Variants in ADHFE1 observed in about 807,000 individuals in gnomAD.
ADHFE1 encodes the protein alcohol dehydrogenase iron containing 1.
ADHFE1 carries 37 observed loss-of-function variants against 54.8 expected under a neutral mutation model. That is an observed-to-expected ratio of 0.68 (90% confidence interval 0.52 to 0.89). The LOEUF is 0.89. ADHFE1 is among the 40% of genes least tolerant of loss of function. The pLI, the probability that ADHFE1 is intolerant of heterozygous loss-of-function variation, is 0.00. For synonymous variants in ADHFE1, 203 were observed against 229.3 expected, an observed-to-expected ratio of 0.89 and a Z score of 1.04; for missense variants, 601 against 591.2, an observed-to-expected ratio of 1.02 and a Z score of -0.17.
At chr8:66,440,275 A>G in intron 2 of ADHFE1, 76 bp downstream of exon 2, 1 of 1,430,752 alleles carries the variant, frequency 7.0e-7, no homozygotes. Context: ...TGGGTAGTGT[A>G]TGTAAAGAAA....
rs182586692 is a variant in ADHFE1, at chr8:66,454,536, A to G, written c.986+379A>G. The stretch of plus-strand genomic sequence containing the variant: ...GTATAATTCACATACTATACAATTC[A>G]CCCATTTAAAATGTACAGAACATTA... On this transcript the variant is annotated intron_variant, in intron 10 of 13. Transcript: ENST00000396623. Among the ~76,000 whole-genome samples, 260 of 152,224 alleles carry G rather than the reference A, an allele frequency of 1.7e-3. 2 individuals are homozygous for G. Among genetic ancestry groups the G allele is most frequent in the African/African-American group, 5.9e-3 (243 of 41,536 alleles).
At chr8:66,450,980 G>A (rs1806269288) in intron 8 of ADHFE1, among the ~76,000 whole-genome samples, 1 of 152,240 alleles carries the variant, frequency 6.6e-6, no homozygotes, top group Non-Finnish European at 1.5e-5. Context: ...TGTAATTCAT[G>A]CAAAACATGG....
chr8:66,462,091 G>C (rs1806930993), intron 13 of ADHFE1, among the ~76,000 whole-genome samples: 1 of 152,196 alleles, frequency 6.6e-6, no homozygotes, highest in Non-Finnish European at 1.5e-5. Flanking sequence ...GCACAGGCTA[G>C]TAAACATGTT....
rs372330227 is a variant in ADHFE1 at position 66,438,920 on chromosome 8, G to A, written c.60-1242G>A. Among the ~76,000 whole-genome samples, 10 of 152,052 alleles carry A rather than the reference G, an allele frequency of 6.6e-5. No homozygotes were observed. In the East Asian group the frequency reaches 7.8e-4, roughly 12 times the overall value. ...GGAGGAAGCAAGGGTTCCCAGGAGC[G>A]TTCACGTTGGAAAGTTTTGAGTTTG... On this transcript the variant is annotated intron_variant, in intron 1 of 13. Transcript: ENST00000396623.
chr8:66,460,473 A>G lies in ADHFE1; in HGVS notation c.1320+8A>G. On this transcript the variant is annotated splice_region_variant and intron_variant, in intron 13 of 13. Transcript: ENST00000396623. ...AAAGGAACGCTGCCCCAGGTAAGAG[A>G]CCGGCAGGCTCCTCACTCCCTGCGA... 1 of 1,566,686 alleles carries G rather than the reference A, an allele frequency of 6.4e-7. No individual in the cohort carries two copies.
At chr8:66,463,128 G>A (rs1358029710) in intron 13 of ADHFE1, among the ~76,000 whole-genome samples, 1 of 152,084 alleles carries the variant, frequency 6.6e-6, no homozygotes, top group Non-Finnish European at 1.5e-5. Context: ...GGCCCAGACT[G>A]TCACTTTCAA....
intron 7 of ADHFE1, among the ~76,000 whole-genome samples, 200 bp from the exon 8 acceptor site, chr8:66,448,665 G>A (rs1281232011): frequency 6.6e-6 from 1 of 152,188 alleles, no homozygotes; most frequent in Admixed American, 6.5e-5. Flanking sequence ...GAAACCAGTA[G>A]GAGCCAGCTC....
intron 3 of ADHFE1, 73 bp from the exon 4 acceptor site, chr8:66,444,294 A>G (rs1219148331): frequency 7.0e-7 from 1 of 1,432,132 alleles, no homozygotes; most frequent in African/African-American, 1.4e-5. Flanking sequence ...ACAAGAAACC[A>G]TTTCAGGTTT....
chr8:66,449,330 G>GCAGCA (rs1270043325), intron 8 of ADHFE1, among the ~76,000 whole-genome samples: 1 of 152,140 alleles, frequency 6.6e-6, no homozygotes, highest in Non-Finnish European at 1.5e-5. Flanking sequence ...GAGCTGGTGT[G>GCAGCA]CAGCATCTCA....
At chr8:66,444,275 C>A in intron 3 of ADHFE1, 92 bp from the exon 4 acceptor site, 2 of 1,196,598 alleles carry the variant, frequency 1.7e-6, no homozygotes, top group Non-Finnish European at 2.5e-6. Context: ...ATACTTTATG[C>A]TCTAGGCAAC....
At chr8:66,437,583 A>G (rs113594849) in intron 1 of ADHFE1, among the ~76,000 whole-genome samples, 10 of 135,874 alleles carry the variant, frequency 7.4e-5, no homozygotes, top group African/African-American at 2.2e-4. Flanking sequence ...GCATGCCAGG[A>G]AAAGAGAAGA....
chr8:66,459,430 A>ATATATATATATATT (rs1191407388), intron 12 of ADHFE1: 4 of 126,806 alleles, frequency 3.2e-5, no homozygotes, highest in Admixed American at 8.2e-5. Flanking sequence ...ATATATATAT[A>ATATATATATATATT]TTTTTTTTTT....
At chr8:66,460,538 G>A in intron 13 of ADHFE1, 73 bp downstream of exon 13, 2 of 1,502,360 alleles carry the variant, frequency 1.3e-6, no homozygotes, top group Non-Finnish European at 1.8e-6. Flanking sequence ...TGCATTGATG[G>A]CGGGCTAGCA....
intron 1 of ADHFE1, among the ~76,000 whole-genome samples, chr8:66,434,117 T>C (rs1242752343): frequency 6.6e-6 from 1 of 152,228 alleles, no homozygotes; most frequent in Non-Finnish European, 1.5e-5. Context: ...CTTGGGTAGA[T>C]AGAAATGCTG....
intron 2 of ADHFE1, among the ~76,000 whole-genome samples, chr8:66,440,436 T>G (rs1319709758): frequency 1.3e-5 from 2 of 152,250 alleles, no homozygotes. Context: ...CTTACAACGC[T>G]TTTCTCTTTT....
chr8:66,451,936 T>G lies in ADHFE1; in HGVS notation c.735-17T>G. The stretch of plus-strand genomic sequence containing the variant: ...GATGACGCTTTCCATCTGTGTACTT[T>G]CAATATTTCTTTTTAGCCATGCCCT... On this transcript the variant is annotated splice_polypyrimidine_tract_variant and intron_variant, in intron 8 of 13. Coordinates refer to ENST00000396623, the MANE Select transcript of ADHFE1 (RefSeq NM_144650.3). The G allele has an allele frequency of 1.2e-6, 2 of 1,612,568 alleles. No individual in the cohort carries two copies. The highest frequency in any genetic ancestry group is 1.7e-6 in the Non-Finnish European group (2 of 1,179,252).
At chr8:66,447,912 A>T (rs1411189524) in intron 7 of ADHFE1, among the ~76,000 whole-genome samples, 1 of 152,194 alleles carries the variant, frequency 6.6e-6, no homozygotes, top group African/African-American at 2.4e-5. Context: ...TTATTGAGAT[A>T]TGACTTTTGT....
intron 13 of ADHFE1, among the ~76,000 whole-genome samples, chr8:66,462,744 T>G (rs1427742751): frequency 6.6e-6 from 1 of 152,238 alleles, no homozygotes; most frequent in Admixed American, 6.5e-5. Context: ...GCGATTTGAT[T>G]GCTGACCATC....
chr8:66,448,068 A>G (rs1488531190), intron 7 of ADHFE1, among the ~76,000 whole-genome samples: 1 of 152,158 alleles, frequency 6.6e-6, no homozygotes, highest in Non-Finnish European at 1.5e-5. Flanking sequence ...CAATCCCTCC[A>G]GTCCTTTTCC....
Sources: gnomAD v4.1 joint callset for allele counts (sites outside exome capture counted in the v4.1 genomes callset) on GRCh38, gnomAD v4.1.1 for gene constraint, MANE v1.5 for transcripts, NCBI Gene and HGNC (gene_info 2026-07-23, HGNC 2026-07-21) for gene names.